The following ADGRG6 variants were observed in gnomAD, a reference collection of about 807,000 sequenced individuals.
ADGRG6 encodes adhesion G protein-coupled receptor G6.
Under a neutral mutation model 142.4 loss-of-function variants are expected in ADGRG6, and 84 were observed. The ratio of observed to expected loss-of-function variants is 0.59; its 90% confidence interval spans 0.49 to 0.71. The LOEUF (loss-of-function observed/expected upper bound fraction) is 0.71. ADGRG6 is among the 30% of genes least tolerant of loss of function. ADGRG6 has a pLI of 0.00. For synonymous variants in ADGRG6, 521 were observed against 520.5 expected, an observed-to-expected ratio of 1.00 and a Z score of -0.01; for missense variants, 1,367 against 1,466.6, an observed-to-expected ratio of 0.93 and a Z score of 1.11.
intron 2 of ADGRG6, among the ~76,000 whole-genome samples, chr6:142,359,162 G>A (rs1780596939): frequency 7.2e-6 from 1 of 138,346 alleles, no homozygotes; most frequent in Admixed American, 7.8e-5. Flanking sequence ...AGCCATGATT[G>A]TACCAGTGCA....
chr6:142,350,244 G>A (rs191376572), intron 2 of ADGRG6, among the ~76,000 whole-genome samples: 1 of 152,264 alleles, frequency 6.6e-6, no homozygotes, highest in East Asian at 1.9e-4. Context: ...TTCAGTACAA[G>A]CATAGAGATA....
chr6:142,310,647 A>G (rs1005825099), intron 2 of ADGRG6, among the ~76,000 whole-genome samples: 1 of 151,852 alleles, frequency 6.6e-6, no homozygotes, highest in African/African-American at 2.4e-5. Context: ...TTTTTTTTCC[A>G]AGCCTCCAAG....
chr6:142,407,970 A>G (rs937486945), intron 15 of ADGRG6, among the ~76,000 whole-genome samples, 180 bp from the exon 16 acceptor site: 5 of 152,180 alleles, frequency 3.3e-5, no homozygotes, highest in African/African-American at 7.2e-5. Flanking sequence ...TGTATTTATT[A>G]TAATAAGGGA....
At chr6:142,346,149 G>C (rs1462533807) in intron 2 of ADGRG6, among the ~76,000 whole-genome samples, 1 of 152,004 alleles carries the variant, frequency 6.6e-6, no homozygotes, top group African/African-American at 2.4e-5. Flanking sequence ...CTCATGAATT[G>C]GTCTAAGCAT....
intron 20 of ADGRG6, among the ~76,000 whole-genome samples, chr6:142,416,495 A>G (rs1776366070): frequency 6.6e-6 from 1 of 152,212 alleles, no homozygotes; most frequent in Admixed American, 6.5e-5. Context: ...GTGTGCAACC[A>G]GAATACTTAT....
intron 9 of ADGRG6, among the ~76,000 whole-genome samples, chr6:142,395,742 A>G (rs1269357279): frequency 3.9e-5 from 6 of 152,030 alleles, no homozygotes; most frequent in East Asian, 1.9e-4. Context: ...TCTTTTTTCT[A>G]TTCTCTATGG....
At chr6:142,322,163 G>C (rs1328202716) in intron 2 of ADGRG6, among the ~76,000 whole-genome samples, 1 of 152,086 alleles carries the variant, frequency 6.6e-6, no homozygotes, top group East Asian at 1.9e-4. Context: ...ACTTTGAAAG[G>C]CTGAGGTGAG....
At chr6:142,376,134 G>T (rs1781485112) in intron 4 of ADGRG6, among the ~76,000 whole-genome samples, 1 of 151,978 alleles carries the variant, frequency 6.6e-6, no homozygotes, top group South Asian at 2.1e-4. Flanking sequence ...TCAGTTTTAT[G>T]ACCCTCATGG....
chr6:142,366,771 T>C (rs1467070062), intron 2 of ADGRG6, among the ~76,000 whole-genome samples: 1 of 146,234 alleles, frequency 6.8e-6, no homozygotes, highest in Non-Finnish European at 1.5e-5. Context: ...AAAAAAAAGA[T>C]TCCTTTATAG....
At chr6:142,392,906 A>G in intron 7 of ADGRG6, 42 bp from the exon 8 acceptor site, 2 of 1,344,986 alleles carry the variant, frequency 1.5e-6, no homozygotes, top group Non-Finnish European at 2.1e-6. Flanking sequence ...ATATTTTTTA[A>G]AGGTATTAGC....
At chr6:142,422,165 C>CT (rs111608922) in intron 22 of ADGRG6, among the ~76,000 whole-genome samples, 177 of 146,186 alleles carry the variant, frequency 1.2e-3, no homozygotes, top group South Asian at 4.6e-3. Flanking sequence ...AATTTTTTCT[C>CT]TTTTTTTTTT....
intron 4 of ADGRG6, among the ~76,000 whole-genome samples, chr6:142,379,022 A>G (rs1185797884): frequency 6.6e-6 from 1 of 151,938 alleles, no homozygotes; most frequent in Non-Finnish European, 1.5e-5. Context: ...GATCCCAAAC[A>G]CTCTATAGCT....
At chr6:142,405,658 T>C in intron 14 of ADGRG6, 30 bp from the exon 15 acceptor site, 1 of 1,568,478 alleles carries the variant, frequency 6.4e-7, no homozygotes, top group Non-Finnish European at 8.8e-7. Flanking sequence ...TTATGATTAC[T>C]TGACCAATAT....
chr6:142,400,896 C>T (rs1357683253), intron 11 of ADGRG6: 3 of 221,182 alleles, frequency 1.4e-5, no homozygotes, highest in African/African-American at 4.5e-5. Flanking sequence ...ACCTAGCCTA[C>T]CCTTGGAACA....
intron 9 of ADGRG6, among the ~76,000 whole-genome samples, chr6:142,396,856 T>G (rs897123906): frequency 4.6e-5 from 7 of 152,186 alleles, no homozygotes; most frequent in African/African-American, 1.7e-4. Context: ...TAGCTGTGAT[T>G]GTAGTGGAAC....
Position 142,444,954 on chromosome 6 carries a change from T to A in ADGRG6, c.*1439T>A, listed in dbSNP as rs1488417166. The A allele has an allele frequency of 6.6e-6, 1 of 152,204 alleles. No individual in the cohort carries two copies. Among genetic ancestry groups the A allele is most frequent in the Admixed American group, 6.6e-5 (1 of 15,262 alleles). The allele number at this position is 152,204 out of a possible 1,614,324, so 9.4% of individuals were successfully genotyped here. On this transcript the variant is annotated 3_prime_UTR_variant, in exon 25 of 25. Transcript: ENST00000367609. ...AGACATTCTGGCAAAGCCAATCTGCTTAAAGGCAAAGTCCAGAACCTGGAA... is the reference window on the plus strand; with the variant it reads ...AGACATTCTGGCAAAGCCAATCTGCATAAAGGCAAAGTCCAGAACCTGGAA...
At chr6:142,356,045 TGCA>T (rs1780425446) in intron 2 of ADGRG6, among the ~76,000 whole-genome samples, 1 of 152,214 alleles carries the variant, frequency 6.6e-6, no homozygotes, top group Non-Finnish European at 1.5e-5. Flanking sequence ...ATGAGGTTAA[TGCA>T]TACATTGCCT....
rs527863468 is a variant in ADGRG6 at position 142,363,609 on chromosome 6, T to C, written c.104-3960T>C. On this transcript the variant is annotated intron_variant, in intron 2 of 24. Transcript: ENST00000367609. ...TAAGAATATGTTACCATATCTGTCT[T>C]TGAGAACATATTGAGCCAGATGCTT... 2.6e-5 allele frequency among the ~76,000 whole-genome samples: 4 copies of C among 152,314 alleles called. No individual in the cohort carries two copies. In the East Asian group the frequency reaches 7.7e-4, roughly 29 times the overall value.
chr6:142,438,182 T>C, intron 23 of ADGRG6, 30 bp from the exon 24 acceptor site: 1 of 1,493,026 alleles, frequency 6.7e-7, no homozygotes. Flanking sequence ...GTAAAGCAGA[T>C]TGATAGGGTG....
Sources: gnomAD v4.1 joint callset for allele counts (sites outside exome capture counted in the v4.1 genomes callset) on GRCh38, gnomAD v4.1.1 for gene constraint, MANE v1.5 for transcripts, NCBI Gene and HGNC (gene_info 2026-07-23, HGNC 2026-07-21) for gene names.